KALRN: variants seen among roughly 807,000 people sequenced by gnomAD.
The protein encoded by KALRN is kalirin.
In KALRN, 70 loss-of-function variants were observed where a neutral mutation model predicts 353.7. The ratio of observed to expected loss-of-function variants is 0.20; its 90% CI spans 0.16 to 0.24. The LOEUF is 0.24. KALRN is among the 10% of genes least tolerant of loss of function. The pLI is 1.00. For missense variants in KALRN, 2,791 were observed against 3,756.7 expected (o/e 0.74, Z 6.72); for synonymous variants, 1,391 against 1,434.8 (o/e 0.97, Z 0.69).
chr3:124,209,534 G>A (rs1403734721), intron 1 of KALRN, among the ~76,000 whole-genome samples: 1 of 144,150 alleles, frequency 6.9e-6, no homozygotes, highest in Non-Finnish European at 1.5e-5. Flanking sequence ...TCTAACTGTT[G>A]TGTCCACCCA....
intron 28 of KALRN, among the ~76,000 whole-genome samples, chr3:124,483,776 A>G (rs1020599615): frequency 6.6e-6 from 1 of 152,222 alleles, no homozygotes; most frequent in Non-Finnish European, 1.5e-5. Context: ...GAGCCAACCA[A>G]GAGATTTGGA....
intron 4 of KALRN, 122 bp downstream of exon 4, chr3:124,264,812 G>T: frequency 1.2e-6 from 1 of 869,268 alleles, no homozygotes. Flanking sequence ...TGAGATTTCA[G>T]GATTCCTTGG....
chr3:124,289,817 G>A (rs183991742), intron 5 of KALRN, among the ~76,000 whole-genome samples: 1 of 152,150 alleles, frequency 6.6e-6, no homozygotes, highest in African/African-American at 2.4e-5. Flanking sequence ...TTATTATGAG[G>A]ATTATGTGAC....
chr3:124,219,687 G>A (rs1471322385), intron 1 of KALRN, among the ~76,000 whole-genome samples: 1 of 152,128 alleles, frequency 6.6e-6, no homozygotes, highest in Non-Finnish European at 1.5e-5. Context: ...CATCCCTCCT[G>A]CACACCTGCC....
chr3:124,666,343 C>T, intron 45 of KALRN, 106 bp from the exon 46 acceptor site: 3 of 1,034,052 alleles, frequency 2.9e-6, no homozygotes, highest in Admixed American at 4.4e-5. Flanking sequence ...CTTTTGTTGT[C>T]AAATCTGTTG....
chr3:124,112,708 C>G (rs553646091), intron 1 of KALRN, among the ~76,000 whole-genome samples: 1 of 152,186 alleles, frequency 6.6e-6, no homozygotes, highest in African/African-American at 2.4e-5. Flanking sequence ...CCTAGTTTGT[C>G]ATTTGCCACA....
At position 124,445,114 on chromosome 3, in the gene KALRN, A is replaced by G. The variant is rs1346162268; in HGVS notation, c.3314-1047A>G. On this transcript the variant is annotated intron_variant, in intron 19 of 59. Coordinates refer to ENST00000682506, the MANE Select transcript of KALRN (RefSeq NM_001388419.1). ...CCGAATCTGAACTCTGCCCTTTCCT[A>G]TCTGAACAACCCTGAGCTAGTTACC... Among the ~76,000 whole-genome samples, 3 of 152,094 alleles carry G rather than the reference A, an allele frequency of 2.0e-5. No individual in the cohort carries two copies. The East Asian group carries it at 5.8e-4, about 29-fold the overall frequency.
intron 1 of KALRN, among the ~76,000 whole-genome samples, chr3:124,175,552 T>G (rs1441141315): frequency 6.9e-6 from 1 of 145,180 alleles, no homozygotes; most frequent in Non-Finnish European, 1.5e-5. Flanking sequence ...TGCGGAGATG[T>G]GCGCTGCCGA....
At chr3:124,239,625 G>A (rs891598557) in intron 3 of KALRN, among the ~76,000 whole-genome samples, 6 of 152,154 alleles carry the variant, frequency 3.9e-5, no homozygotes, top group African/African-American at 1.2e-4. Context: ...CTTGTTCTAC[G>A]GATTTCAGCA....
intron 37 of KALRN, among the ~76,000 whole-genome samples, chr3:124,648,815 G>A (rs2150075658): frequency 6.6e-6 from 1 of 152,306 alleles, no homozygotes; most frequent in South Asian, 2.1e-4. Flanking sequence ...ACATGTCATT[G>A]GAATGCCTGC....
intron 1 of KALRN, among the ~76,000 whole-genome samples, chr3:124,211,655 G>A (rs1479774681): frequency 6.6e-6 from 1 of 152,140 alleles, no homozygotes. Flanking sequence ...GTGTCTCATT[G>A]TGCTTTATAT....
At chr3:124,620,798 C>T (rs1360091184) in intron 34 of KALRN, among the ~76,000 whole-genome samples, 2 of 152,198 alleles carry the variant, frequency 1.3e-5, no homozygotes, top group East Asian at 3.8e-4. Context: ...GAGGGCTTTC[C>T]TCCCTCTGTC....
chr3:124,254,952 AT>A (rs1553876375), intron 3 of KALRN, among the ~76,000 whole-genome samples: 1,992 of 109,246 alleles, frequency 0.018, 39 homozygotes, highest in African/African-American at 0.051. Context: ...ATATATATAT[AT>A]TTTTTTTTTG....
intron 8 of KALRN, among the ~76,000 whole-genome samples, chr3:124,331,337 A>G (rs568267400): frequency 6.6e-5 from 10 of 152,342 alleles, no homozygotes; most frequent in South Asian, 2.1e-4. Context: ...CCATTATTCT[A>G]AGTGAAGTAA....
intron 9 of KALRN, among the ~76,000 whole-genome samples, chr3:124,336,810 T>G (rs1485300748): frequency 1.3e-5 from 2 of 152,214 alleles, no homozygotes; most frequent in African/African-American, 4.8e-5. Context: ...TGTCCTTTTA[T>G]TTCCTTCTGC....
chr3:124,628,537 C>CT, intron 34 of KALRN, among the ~76,000 whole-genome samples: 2 of 93,836 alleles, frequency 2.1e-5, no homozygotes. Context: ...TCCTTCCTTC[C>CT]TTTCTTTCCT....
intron 1 of KALRN, among the ~76,000 whole-genome samples, chr3:124,117,466 T>C (rs1017778136): frequency 5.3e-5 from 8 of 152,180 alleles, no homozygotes; most frequent in Non-Finnish European, 1.2e-4. Context: ...TGCCTCCTGC[T>C]CAGAACCTCT....
intron 14 of KALRN, among the ~76,000 whole-genome samples, chr3:124,421,515 G>A (rs1435226179): frequency 6.6e-6 from 1 of 152,220 alleles, no homozygotes; most frequent in Non-Finnish European, 1.5e-5. Flanking sequence ...GGTAGCTTAT[G>A]AGGTAGGTAG....
intron 48 of KALRN, among the ~76,000 whole-genome samples, chr3:124,673,553 T>G (rs1430745294): frequency 4.0e-5 from 6 of 151,480 alleles, no homozygotes; most frequent in African/African-American, 7.3e-5. Flanking sequence ...TGTATATGCA[T>G]ATAGAATATA....
Sources: allele counts gnomAD v4.1 joint callset (sites outside exome capture counted in the v4.1 genomes callset), GRCh38; gene constraint gnomAD v4.1.1; transcripts MANE v1.5; gene names NCBI Gene and HGNC (gene_info 2026-07-23, HGNC 2026-07-21).